Variants in AKNAD1 observed in about 807,000 individuals in gnomAD.
AKNAD1 encodes AKNA domain containing 1, also known as protein AKNAD1.
A neutral mutation model predicts 90.8 loss-of-function variants in AKNAD1; 67 were observed. The ratio of observed to expected loss-of-function variants is 0.74; its 90% CI spans 0.61 to 0.90. The LOEUF (loss-of-function observed/expected upper bound fraction) is 0.90, where lower values mean the gene tolerates loss of function less well. Ranked by LOEUF, AKNAD1 falls within the 40% of genes least tolerant of loss-of-function variation. The pLI, the probability that AKNAD1 is intolerant of heterozygous loss-of-function variation, is 0.00. For synonymous variants in AKNAD1, 327 were observed against 341.4 expected (o/e 0.96, Z 0.46); for missense variants, 957 against 975.4 (o/e 0.98, Z 0.25).
In AKNAD1 at chr1:108,830,714, C is replaced by T. The variant is rs1216729162; in HGVS notation, c.1747-64G>A. On this transcript the variant is annotated intron_variant, in intron 9 of 15. Transcript: ENST00000370001. ...ATGTGACTCACGCCGCGGCTGCACA[C>T]GCACAGCCCAGCAAGCAGCTGAGGT... 4.6e-6 allele frequency: 7 copies of T among 1,520,758 alleles called. No individual in the cohort carries two copies. In the East Asian group the frequency reaches 9.1e-5, roughly 20 times the overall value. The allele number at this position is 1,520,758 out of a possible 1,614,324, so 94.2% of individuals were successfully genotyped here. A position where few individuals can be genotyped will look rare whatever the true frequency, so the allele number is the denominator to read the frequency against.
chr1:108,849,640 A>G (rs1664794332), intron 2 of AKNAD1, 64 bp from the exon 3 acceptor site: 1 of 1,138,640 alleles, frequency 8.8e-7, no homozygotes, highest in African/African-American at 1.5e-5. Flanking sequence ...ACCGTTCAGA[A>G]TGACCCAACA....
Position 108,816,260 on chromosome 1 carries a change from T to C in AKNAD1, c.2422A>G (p.Ile808Val). The stretch of plus-strand genomic sequence containing the variant: ...ATTTGATCTGTAGTTTCTTTCAAAA[T>C]GGTTGCTGTCCTTAGGGCATGATCC... Reference protein sequence around the residue: ...ALDHALRTATILKETTDQMIK... With the variant: ...ALDHALRTATVLKETTDQMIK... Residue 808 changes from isoleucine (I) to valine (V), a missense_variant, in exon 16 of 16, where the codon ATT becomes GTT. By Grantham distance (29) the Ile-to-Val change is conservative. Transcript: ENST00000370001. 1 of 1,613,854 alleles carries C rather than the reference T, an allele frequency of 6.2e-7. No individual in the cohort carries two copies. The highest frequency in any genetic ancestry group is 8.5e-7 in the Non-Finnish European group (1 of 1,179,884).
chr1:108,818,963 C>CA (rs56396425), intron 14 of AKNAD1, among the ~76,000 whole-genome samples: 2,179 of 99,760 alleles, frequency 0.022, 66 homozygotes, highest in African/African-American at 0.057. Context: ...AACTCCATCT[C>CA]AAAAAAAAAA....
At chr1:108,816,341 T>G in intron 15 of AKNAD1, 39 bp from the exon 16 acceptor site, 1 of 1,581,902 alleles carries the variant, frequency 6.3e-7, no homozygotes, top group Non-Finnish European at 8.6e-7. Context: ...TTACATAAAC[T>G]AACTGCTGTT....
chr1:108,842,370 A>G (rs1211063555), intron 6 of AKNAD1, among the ~76,000 whole-genome samples: 2 of 152,224 alleles, frequency 1.3e-5, no homozygotes, highest in Non-Finnish European at 2.9e-5. Context: ...AATTTATACC[A>G]GGAAATTATA....
intron 5 of AKNAD1, among the ~76,000 whole-genome samples, chr1:108,844,234 G>A (rs937807932): frequency 1.4e-4 from 21 of 152,080 alleles, no homozygotes; most frequent in African/African-American, 3.6e-4. Flanking sequence ...ATGGTGGTGC[G>A]TGCCTGTAAT....
At chr1:108,843,032 A>G in intron 6 of AKNAD1, 102 bp downstream of exon 6, 1 of 1,452,912 alleles carries the variant, frequency 6.9e-7, no homozygotes, top group Non-Finnish European at 9.4e-7. Flanking sequence ...CTGACCCTAG[A>G]CCAGTGGCTC....
rs927019027 is a variant in AKNAD1, at chr1:108,837,631, A to G, written c.1455T>C (p.Tyr485=). ...TCACAGGAAGGGAAGGAGCTGAAGT[A>G]TATTTGCTTTCATCCATTTTCTCTT... The part of the protein sequence containing the change: ...DVKEKMDESK[Y]TSAPSLPVSS... Residue 485 remains tyrosine, a synonymous_variant, in exon 7 of 16, where the codon TAT becomes TAC. Transcript: ENST00000370001. 1 of 1,614,100 alleles carries G rather than the reference A, an allele frequency of 6.2e-7. No homozygotes were observed. The highest frequency in any genetic ancestry group is 8.5e-7 in the Non-Finnish European group (1 of 1,180,040).
chr1:108,855,878 CTT>C (rs540099927), intron 1 of AKNAD1, among the ~76,000 whole-genome samples: 31 of 127,074 alleles, frequency 2.4e-4, no homozygotes, highest in Non-Finnish European at 3.3e-4. Context: ...AACAGAGTAT[CTT>C]TTTTTTTTTT....
At chr1:108,833,401 G>T (rs1422347090) in intron 9 of AKNAD1, among the ~76,000 whole-genome samples, 1 of 152,092 alleles carries the variant, frequency 6.6e-6, no homozygotes, top group Non-Finnish European at 1.5e-5. Flanking sequence ...TGGGCAACGT[G>T]GTGAAACCTC....
intron 6 of AKNAD1, among the ~76,000 whole-genome samples, chr1:108,840,745 A>G (rs1337252194): frequency 6.6e-6 from 1 of 152,198 alleles, no homozygotes; most frequent in Non-Finnish European, 1.5e-5. Flanking sequence ...AGGCTGCCCT[A>G]TTCAATAAGT....
intron 11 of AKNAD1, among the ~76,000 whole-genome samples, chr1:108,826,219 C>G (rs972937864): frequency 5.9e-5 from 9 of 151,750 alleles, no homozygotes; most frequent in African/African-American, 2.2e-4. Context: ...GAAGGCAGAG[C>G]TGGAGGCATG....
chr1:108,853,754 C>T (rs71655969), intron 1 of AKNAD1, among the ~76,000 whole-genome samples: 19,756 of 151,592 alleles, frequency 0.13, 1,365 homozygotes, highest in Middle Eastern at 0.15. Context: ...GCCAACATGG[C>T]GAAACCCCCA....
intron 9 of AKNAD1, among the ~76,000 whole-genome samples, chr1:108,832,683 CAACTT>C (rs905244595): frequency 5.9e-5 from 9 of 151,926 alleles, no homozygotes; most frequent in Admixed American, 4.6e-4. Flanking sequence ...GTTTTGTAAA[CAACTT>C]AAAATATCAA....
chr1:108,828,375 T>A (rs1206247306), intron 10 of AKNAD1, among the ~76,000 whole-genome samples: 3 of 151,732 alleles, frequency 2.0e-5, no homozygotes, highest in Non-Finnish European at 1.5e-5. Context: ...TCCTCCCTCC[T>A]CCTCAGAAAT....
intron 1 of AKNAD1, among the ~76,000 whole-genome samples, chr1:108,853,378 G>T (rs185937421): frequency 5.9e-5 from 9 of 151,550 alleles, no homozygotes. Context: ...TGATCCACCC[G>T]CCTTGGCCTC....
At chr1:108,853,458 C>T (rs145731087) in intron 1 of AKNAD1, among the ~76,000 whole-genome samples, 2,114 of 151,420 alleles carry the variant, frequency 0.014, 33 homozygotes, top group South Asian at 0.058. Flanking sequence ...ACCAGAGCCA[C>T]GCCTTGTCCA....
At chr1:108,827,772 C>A (rs537456780) in intron 10 of AKNAD1, among the ~76,000 whole-genome samples, 1 of 144,870 alleles carries the variant, frequency 6.9e-6, no homozygotes, top group South Asian at 2.2e-4. Flanking sequence ...CGAGATCGCG[C>A]CACTGCACTC....
At chr1:108,850,863 C>T (rs967877910) in intron 2 of AKNAD1, among the ~76,000 whole-genome samples, 5 of 152,054 alleles carry the variant, frequency 3.3e-5, no homozygotes, top group Non-Finnish European at 7.4e-5. Flanking sequence ...AGATCCTGAG[C>T]CTCAGCATGT....
Sources: gnomAD v4.1 joint callset for allele counts (sites outside exome capture counted in the v4.1 genomes callset) on GRCh38, gnomAD v4.1.1 for gene constraint, MANE v1.5 for transcripts, NCBI Gene and HGNC (gene_info 2026-07-23, HGNC 2026-07-21) for gene names.